The following MYOZ3 variants were observed in gnomAD, a reference collection of about 807,000 sequenced individuals.
The protein encoded by MYOZ3 is myozenin-3.
MYOZ3 carries 19 observed loss-of-function variants against 26.5 expected under a neutral mutation model. The ratio of observed to expected loss-of-function variants is 0.72; its 90% CI spans 0.50 to 1.05. MYOZ3 has a LOEUF of 1.05. MYOZ3 is among the 50% of genes least tolerant of loss of function. MYOZ3 has a pLI of 0.00. For synonymous variants in MYOZ3, 135 were observed against 138.8 expected, an observed-to-expected ratio of 0.97 and a Z score of 0.19; for missense variants, 322 against 337.1, an observed-to-expected ratio of 0.96 and a Z score of 0.35.
chr5:150,672,643 TGG>T, intron 6 of MYOZ3, 141 bp downstream of exon 6: 1 of 1,024,464 alleles, frequency 9.8e-7, no homozygotes, highest in Non-Finnish European at 1.4e-6. Context: ...GACTGAGCTC[TGG>T]CTGGAACAGC....
intron 5 of MYOZ3, 182 bp from the exon 6 acceptor site, chr5:150,672,158 T>C (rs981170353): frequency 3.7e-6 from 4 of 1,070,780 alleles, no homozygotes; most frequent in Non-Finnish European, 5.6e-6. Context: ...GTCCTCCGTG[T>C]TTCCTGGGAT....
chr5:150,673,542 A>G lies in MYOZ3; in HGVS notation c.587+1040A>G, dbSNP rs549920409. On this transcript the variant is annotated intron_variant, in intron 6 of 6. Coordinates refer to ENST00000517768, the MANE Select transcript of MYOZ3 (RefSeq NM_001122853.3). The stretch of plus-strand genomic sequence containing the variant: ...TTTTTAGTAGAGACAGGGTTTCACT[A>G]TGTTGGCCGGGCTGGTCTCGAACTC... 3.3e-5 allele frequency among the ~76,000 whole-genome samples: 5 copies of G among 151,964 alleles called. No individual in the cohort carries two copies. The South Asian group carries it at 8.3e-4, about 25-fold the overall frequency.
intron 6 of MYOZ3, 174 bp downstream of exon 6, chr5:150,672,676 C>T: frequency 2.9e-6 from 2 of 687,934 alleles, no homozygotes; most frequent in Admixed American, 3.3e-5. Flanking sequence ...CTGGTAGGTG[C>T]TCAGTTAACG....
chr5:150,667,547 A>G (rs904931058), intron 2 of MYOZ3, among the ~76,000 whole-genome samples: 1 of 152,100 alleles, frequency 6.6e-6, no homozygotes, highest in African/African-American at 2.4e-5. Context: ...GCTCAAGGAC[A>G]TTCCTTCAGC....
At chr5:150,671,416 C>T (rs777000552) in intron 3 of MYOZ3, 181 bp from the exon 4 acceptor site, 1 of 635,098 alleles carries the variant, frequency 1.6e-6, no homozygotes, top group Non-Finnish European at 2.8e-6. Context: ...TAACATATAT[C>T]GAGTATTTCT....
chr5:150,678,753 TATA>T lies in MYOZ3; in HGVS notation c.*1883_*1885del, dbSNP rs1242393874. The T allele has an allele frequency of 6.6e-6, 1 of 152,276 alleles. No homozygotes were observed. Among genetic ancestry groups the T allele is most frequent in the Admixed American group, 6.5e-5 (1 of 15,286 alleles). The allele number at this position is 152,276 out of a possible 1,614,324, so 9.4% of individuals were successfully genotyped here. On this transcript the variant is annotated 3_prime_UTR_variant, in exon 7 of 7. Transcript: ENST00000517768. Reference sequence around the variant, plus strand: ...TTGTGAACACAGTGCAGGGCACATTTATAATAAGAGCTCAGTCAATGGTAGGTT... The same window carrying T: ...TTGTGAACACAGTGCAGGGCACATTTATAAGAGCTCAGTCAATGGTAGGTT...
chr5:150,663,032 C>T (rs776541873), intron 2 of MYOZ3, 30 bp downstream of exon 2: 152 of 1,568,678 alleles, frequency 9.7e-5, no homozygotes, highest in Non-Finnish European at 1.1e-4. Context: ...ATGCCTTCCT[C>T]AGACTCCATC....
intron 2 of MYOZ3, among the ~76,000 whole-genome samples, chr5:150,668,912 A>G (rs569669908): frequency 6.6e-6 from 1 of 152,292 alleles, no homozygotes; most frequent in African/African-American, 2.4e-5. Flanking sequence ...AATACCAGTA[A>G]ATACCAGTAA....
chr5:150,664,195 T>G (rs958521866), intron 2 of MYOZ3, among the ~76,000 whole-genome samples: 4 of 152,130 alleles, frequency 2.6e-5, no homozygotes, highest in South Asian at 2.1e-4. Context: ...ATTTCATGAC[T>G]TCATATGTGG....
In MYOZ3 at chr5:150,672,143, C is replaced by T. The variant is rs188861284; in HGVS notation, c.425-197C>T. On this transcript the variant is annotated intron_variant, in intron 5 of 6. Transcript: ENST00000517768. The stretch of plus-strand genomic sequence containing the variant: ...GCGCTGCGAACTCGTGGCTTCCTCA[C>T]TGCAGTCCTCCGTGTTTCCTGGGAT... 1.8e-4 allele frequency: 185 copies of T among 1,033,024 alleles called. No homozygotes were observed. The African/African-American group carries it at 2.7e-3, about 15-fold the overall frequency. 64.0% of individuals were successfully genotyped at this position (1,033,024 alleles called of 1,614,324 possible).
At chr5:150,673,936 G>C (rs1270059124) in intron 6 of MYOZ3, among the ~76,000 whole-genome samples, 1 of 152,202 alleles carries the variant, frequency 6.6e-6, no homozygotes, top group African/African-American at 2.4e-5. Flanking sequence ...ACCACACGTG[G>C]AGACTGGGTC....
intron 6 of MYOZ3, among the ~76,000 whole-genome samples, chr5:150,676,407 G>A (rs370057874): frequency 1.6e-4 from 24 of 152,146 alleles, no homozygotes; most frequent in East Asian, 5.8e-4. Flanking sequence ...AGCCGGGCAT[G>A]GTGGCACGTG....
chr5:150,674,230 A>C (rs1416453650), intron 6 of MYOZ3, among the ~76,000 whole-genome samples: 1 of 152,186 alleles, frequency 6.6e-6, no homozygotes, highest in Admixed American at 6.5e-5. Context: ...CTGCCCAGTC[A>C]TTTGAAACCT....
chr5:150,670,774 C>T (rs1172167454), intron 3 of MYOZ3, 136 bp downstream of exon 3: 6 of 775,722 alleles, frequency 7.7e-6, no homozygotes, highest in Non-Finnish European at 1.2e-5. Flanking sequence ...TCAGTGTGAT[C>T]CTTGAAAAGT....
At position 150,671,742 on chromosome 5, in the gene MYOZ3, C is replaced by T. The variant is rs979645871; in HGVS notation, c.271-13C>T. ...GTCGTCGGTGGCCTCTGAGAACCCG[C>T]CCCTGTGCCCAGGTTGCCAATGCCA... On this transcript the variant is annotated splice_polypyrimidine_tract_variant and intron_variant, in intron 4 of 6. Coordinates refer to ENST00000517768, the MANE Select transcript of MYOZ3 (RefSeq NM_001122853.3). The T allele has an allele frequency of 1.4e-5, 22 of 1,613,164 alleles. No individual in the cohort carries two copies. Among genetic ancestry groups the T allele is most frequent in the Non-Finnish European group, 1.8e-5 (21 of 1,179,948 alleles).
Position 150,678,974 on chromosome 5 carries a change from T to G in MYOZ3, c.*2099T>G, listed in dbSNP as rs962973904. 3 of 152,306 alleles carry G rather than the reference T, an allele frequency of 2.0e-5. No homozygotes were observed. Among genetic ancestry groups the G allele is most frequent in the Non-Finnish European group, 4.4e-5 (3 of 68,072 alleles). 9.4% of individuals were successfully genotyped at this position (152,306 alleles called of 1,614,324 possible). On this transcript the variant is annotated 3_prime_UTR_variant, in exon 7 of 7. Coordinates refer to ENST00000517768, the MANE Select transcript of MYOZ3 (RefSeq NM_001122853.3). ...TCAGGAGTCCAGCCCATTCCCAGGG[T>G]GTGTGGGATAGCGATTGCATTTTCC...
At chr5:150,666,750 T>C (rs1758817180) in intron 2 of MYOZ3, among the ~76,000 whole-genome samples, 1 of 149,114 alleles carries the variant, frequency 6.7e-6, no homozygotes, top group Non-Finnish European at 1.5e-5. Context: ...AATTAATTTA[T>C]ACTGGATTTC....
At chr5:150,673,943 GGTCT>G (rs1409510899) in intron 6 of MYOZ3, among the ~76,000 whole-genome samples, 1 of 152,066 alleles carries the variant, frequency 6.6e-6, no homozygotes, top group Admixed American at 6.5e-5. Flanking sequence ...GTGGAGACTG[GGTCT>G]GTCTAAGACA....
chr5:150,674,235 A>T (rs1758970443), intron 6 of MYOZ3, among the ~76,000 whole-genome samples: 1 of 152,168 alleles, frequency 6.6e-6, no homozygotes, highest in Non-Finnish European at 1.5e-5. Flanking sequence ...CAGTCATTTG[A>T]AACCTGCAGC....
Sources: gnomAD v4.1 joint callset for allele counts (sites outside exome capture counted in the v4.1 genomes callset) on GRCh38, gnomAD v4.1.1 for gene constraint, MANE v1.5 for transcripts, NCBI Gene and HGNC (gene_info 2026-07-23, HGNC 2026-07-21) for gene names.